GPM6B: variants seen among roughly 807,000 people sequenced by gnomAD.
GPM6B encodes neuronal membrane glycoprotein M6-b.
A neutral mutation model predicts 27.2 loss-of-function variants in GPM6B; 4 were observed. The ratio of observed to expected loss-of-function variants is 0.15; its 90% CI spans 0.07 to 0.34. The LOEUF (loss-of-function observed/expected upper bound fraction) is 0.34. GPM6B is among the 10% of genes least tolerant of loss of function. The pLI is 1.00. For missense variants in GPM6B, 183 were observed against 261.9 expected, an observed-to-expected ratio of 0.70 and a Z score of 2.08; for synonymous variants, 124 against 103.1, an observed-to-expected ratio of 1.20 and a Z score of -1.23.
At position 13,913,005 on chromosome X, in the gene GPM6B, G is replaced by A. The variant is rs1256661078; in HGVS notation, c.-198+25322C>T. Among the ~76,000 whole-genome samples, 3 of 112,314 alleles carry A rather than the reference G, an allele frequency of 2.7e-5. No individual in the cohort carries two copies. In the Admixed American group the frequency reaches 2.8e-4, roughly 11 times the overall value. The stretch of plus-strand genomic sequence containing the variant: ...TACTTTAGTTACCTTTTATTTAGAT[G>A]AAAAGTATTAAATATTTGTAATCAA... On this transcript the variant is annotated intron_variant, in intron 1 of 6. Transcript: ENST00000398361.
rs1220064016 is a variant in GPM6B at position 13,785,697 on chromosome X, G to C, written c.293C>G (p.Ala98Gly). ...AAGAATCGCCACGGTGCCTGCGAGA[G>C]CCACATGCCCACAGCCGCAGAATAA... is the stretch of plus-strand genomic sequence containing the variant. ...VALFCGCGHV[A>G]LAGTVAILEQ... Residue 98 changes from alanine to glycine, a missense_variant, in exon 3 of 8, where the codon GCT becomes GGT. Transcript: ENST00000316715. The C allele has an allele frequency of 8.3e-7, 1 of 1,210,089 alleles. No homozygotes were observed. The highest frequency in any genetic ancestry group is 1.7e-5 in the African/African-American group (1 of 57,255).
At chrX:13,790,087 C>T (rs1191023763) in intron 2 of GPM6B, among the ~76,000 whole-genome samples, 7 of 111,906 alleles carry the variant, frequency 6.3e-5, no homozygotes, top group Non-Finnish European at 1.1e-4. Flanking sequence ...CTCTTGGGCT[C>T]AAGTGATCCT....
chrX:13,847,015 C>G (rs1285841210), intron 1 of GPM6B, among the ~76,000 whole-genome samples: 1 of 110,310 alleles, frequency 9.1e-6, no homozygotes, highest in African/African-American at 3.3e-5. Context: ...TTTGATTGTT[C>G]AGTCAACAAG....
intron 1 of GPM6B, among the ~76,000 whole-genome samples, chrX:13,919,279 A>T (rs1026591079): frequency 1.3e-4 from 15 of 112,582 alleles, no homozygotes; most frequent in Non-Finnish European, 2.6e-4. Context: ...GCTGTTTCAT[A>T]TTAGGATGAA....
chrX:13,871,547 C>T (rs187568320), intron 1 of GPM6B, among the ~76,000 whole-genome samples: 1 of 112,268 alleles, frequency 8.9e-6, no homozygotes, highest in East Asian at 2.8e-4. Context: ...GTGTCAGTTT[C>T]ACCTGGAAGC....
At chrX:13,934,602 G>A (rs1921736943) in intron 1 of GPM6B, among the ~76,000 whole-genome samples, 1 of 111,965 alleles carries the variant, frequency 8.9e-6, no homozygotes, top group African/African-American at 3.2e-5. Context: ...GAAGATGCCA[G>A]CATTTAACCC....
At chrX:13,798,489 T>C (rs2048857188) in intron 2 of GPM6B, among the ~76,000 whole-genome samples, 1 of 112,310 alleles carries the variant, frequency 8.9e-6, no homozygotes, top group Admixed American at 9.4e-5. Flanking sequence ...ATAGGGTGTT[T>C]ATAGCACGTG....
intron 1 of GPM6B, among the ~76,000 whole-genome samples, chrX:13,894,755 T>C (rs2050217748): frequency 1.8e-5 from 2 of 112,520 alleles, no homozygotes; most frequent in Admixed American, 9.4e-5. Context: ...AGCAATTTGC[T>C]ATGGAACCAC....
intron 1 of GPM6B, among the ~76,000 whole-genome samples, chrX:13,837,322 C>G (rs1452684186): frequency 1.8e-5 from 2 of 111,760 alleles, no homozygotes; most frequent in Non-Finnish European, 3.8e-5. Context: ...TCCTAGTCCC[C>G]TGTAGAAGTT....
At chrX:13,887,832 G>A (rs908729619) in intron 1 of GPM6B, among the ~76,000 whole-genome samples, 3 of 111,712 alleles carry the variant, frequency 2.7e-5, no homozygotes, top group Middle Eastern at 4.6e-3. Flanking sequence ...GAGAGCAGTC[G>A]CTTGCAAAGC....
intron 1 of GPM6B, among the ~76,000 whole-genome samples, chrX:13,875,880 G>A (rs1485593547): frequency 8.9e-6 from 1 of 111,737 alleles, no homozygotes; most frequent in African/African-American, 3.3e-5. Flanking sequence ...AGGAGATGGG[G>A]AGTGACTGCT....
chrX:13,837,719 G>GC lies in GPM6B; in HGVS notation c.-197-51912_-197-51911insG, dbSNP rs1365069906. Among the ~76,000 whole-genome samples the GC allele has an allele frequency of 6.4e-3, 559 of 86,802 alleles. 53 individuals are homozygous for GC. Among genetic ancestry groups the GC allele is most frequent in the African/African-American group, 0.021 (523 of 24,613 alleles). 75.4% of individuals were successfully genotyped at this position (86,802 alleles called of 115,157 possible). A position where few individuals can be genotyped will look rare whatever the true frequency, so the allele number is the denominator to read the frequency against. ...TTTCAAAGCAAGTTGGTGGGGGGGG[G>GC]GGGGGGGGGAAGCAGAGGGGAAAGC... On this transcript the variant is annotated intron_variant, in intron 1 of 6. Transcript: ENST00000398361.
intron 4 of GPM6B, among the ~76,000 whole-genome samples, chrX:13,780,424 TATTA>T (rs770315514): frequency 3.4e-4 from 38 of 111,979 alleles, no homozygotes; most frequent in African/African-American, 1.0e-3. Flanking sequence ...TATAACTTCA[TATTA>T]ATTTCTCAAA....
At chrX:13,931,895 T>C (rs1366839260) in intron 1 of GPM6B, among the ~76,000 whole-genome samples, 1 of 111,962 alleles carries the variant, frequency 8.9e-6, no homozygotes, top group Non-Finnish European at 1.9e-5. Context: ...CCTAATCCCT[T>C]CCACCCTTCT....
At chrX:13,792,320 C>T (rs1449661859) in intron 2 of GPM6B, among the ~76,000 whole-genome samples, 1 of 111,865 alleles carries the variant, frequency 8.9e-6, no homozygotes, top group African/African-American at 3.3e-5. Context: ...AAAGAATTAC[C>T]CAGCCCCAGA....
At chrX:13,791,915 C>G (rs780303086) in intron 2 of GPM6B, among the ~76,000 whole-genome samples, 1 of 110,696 alleles carries the variant, frequency 9.0e-6, no homozygotes, top group Non-Finnish European at 1.9e-5. Flanking sequence ...CTCCCAAACA[C>G]CCCCCAACAA....
intron 2 of GPM6B, among the ~76,000 whole-genome samples, chrX:13,786,289 A>G (rs1287705425): frequency 8.9e-6 from 1 of 112,269 alleles, no homozygotes; most frequent in Non-Finnish European, 1.9e-5. Flanking sequence ...TGCTGTGGCA[A>G]CCAACGGCTT....
intron 1 of GPM6B, among the ~76,000 whole-genome samples, chrX:13,893,503 T>C (rs951325505): frequency 6.2e-5 from 7 of 112,175 alleles, no homozygotes; most frequent in Non-Finnish European, 3.8e-5. Context: ...TTATATCATG[T>C]ACAAGCTTAA....
chrX:13,791,175 T>C (rs1354412019), intron 2 of GPM6B, among the ~76,000 whole-genome samples: 2 of 111,343 alleles, frequency 1.8e-5, no homozygotes, highest in Non-Finnish European at 3.8e-5. Flanking sequence ...CTGTGATGTA[T>C]TCATGTAAAA....
Sources: allele counts gnomAD v4.1 joint callset (sites outside exome capture counted in the v4.1 genomes callset), GRCh38; gene constraint gnomAD v4.1.1; transcripts MANE v1.5; gene names NCBI Gene and HGNC (gene_info 2026-07-23, HGNC 2026-07-21).